The following GLRA3 variants were observed in gnomAD, a reference collection of about 807,000 sequenced individuals.
GLRA3 encodes the protein glycine receptor subunit alpha-3.
Under a neutral mutation model 60.4 loss-of-function variants are expected in GLRA3, and 44 were observed. That is an observed-to-expected ratio of 0.73 (90% CI 0.57 to 0.94). GLRA3 has a LOEUF of 0.94. Among genes scored for constraint, GLRA3 ranks in the 40% least tolerant of loss-of-function variants. The pLI is 0.00. For missense variants in GLRA3, 508 were observed against 564.6 expected (o/e 0.90, Z 1.02); for synonymous variants, 223 against 192.9 (o/e 1.16, Z -1.29).
chr4:174,804,866 T>A (rs888371419), intron 1 of GLRA3, among the ~76,000 whole-genome samples: 5 of 152,086 alleles, frequency 3.3e-5, no homozygotes, highest in African/African-American at 1.2e-4. Context: ...TTGCATAGGG[T>A]GCGAAGAAGC....
chr4:174,774,457 C>G (rs1738515716), intron 2 of GLRA3, among the ~76,000 whole-genome samples: 1 of 97,526 alleles, frequency 1.0e-5, no homozygotes. Context: ...TCCTGGCAGG[C>G]ACCAACTTAA....
chr4:174,644,706 GA>G lies in GLRA3; in HGVS notation c.1117-643del, dbSNP rs544815314. Among the ~76,000 whole-genome samples the G allele has an allele frequency of 2.0e-5, 3 of 152,112 alleles. No individual in the cohort carries two copies. In the East Asian group the frequency reaches 5.8e-4, roughly 29 times the overall value. ...GGCACATTGGTTTGGTTGAAATTGT[GA>G]ATTATATCTGGCAGAAGTTTATTTC... On this transcript the variant is annotated intron_variant, in intron 9 of 9. Transcript: ENST00000274093.
chr4:174,760,663 G>A (rs769798586), intron 3 of GLRA3, among the ~76,000 whole-genome samples: 5 of 152,072 alleles, frequency 3.3e-5, no homozygotes, highest in African/African-American at 1.2e-4. Flanking sequence ...CGGAATTACC[G>A]GCTCCTGCCA....
At chr4:174,690,473 G>T (rs546116333) in intron 5 of GLRA3, among the ~76,000 whole-genome samples, 1 of 152,070 alleles carries the variant, frequency 6.6e-6, no homozygotes, top group Non-Finnish European at 1.5e-5. Flanking sequence ...ACTTTTTGTT[G>T]TGTAGTTTTT....
chr4:174,752,878 C>T (rs532009348), intron 3 of GLRA3, among the ~76,000 whole-genome samples: 4 of 152,010 alleles, frequency 2.6e-5, no homozygotes, highest in African/African-American at 9.6e-5. Context: ...GGAGTGTTGG[C>T]AATATTCCAA....
chr4:174,736,964 T>C (rs934447186), intron 3 of GLRA3, among the ~76,000 whole-genome samples: 52 of 152,184 alleles, frequency 3.4e-4, no homozygotes, highest in African/African-American at 1.1e-3. Context: ...GCCCTGTATA[T>C]AAAGTTTCAG....
intron 7 of GLRA3, among the ~76,000 whole-genome samples, chr4:174,659,971 C>CAAAAAAAA (rs11395241): frequency 7.2e-6 from 1 of 139,824 alleles, no homozygotes; most frequent in East Asian, 2.1e-4. Context: ...AATTCTGTCT[C>CAAAAAAAA]AAAAAAAAAA....
At chr4:174,752,874 T>C (rs958097765) in intron 3 of GLRA3, among the ~76,000 whole-genome samples, 1 of 152,108 alleles carries the variant, frequency 6.6e-6, no homozygotes, top group Non-Finnish European at 1.5e-5. Flanking sequence ...CTCTGGAGTG[T>C]TGGCAATATT....
chr4:174,674,674 T>C (rs1352717086), intron 7 of GLRA3, among the ~76,000 whole-genome samples: 7 of 152,186 alleles, frequency 4.6e-5, no homozygotes, highest in African/African-American at 1.7e-4. Flanking sequence ...TGATTTATTG[T>C]TTCACTGTCC....
chr4:174,794,684 T>C (rs1173880207), intron 1 of GLRA3, among the ~76,000 whole-genome samples: 4 of 152,186 alleles, frequency 2.6e-5, no homozygotes, highest in African/African-American at 7.2e-5. Flanking sequence ...AAATTGTTAT[T>C]AATATTTTAA....
chr4:174,663,916 T>G (rs897861593), intron 7 of GLRA3, among the ~76,000 whole-genome samples: 4 of 152,194 alleles, frequency 2.6e-5, no homozygotes, highest in Non-Finnish European at 5.9e-5. Flanking sequence ...CCTAGTTCTA[T>G]ATTCTGGAAG....
intron 3 of GLRA3, among the ~76,000 whole-genome samples, chr4:174,752,748 G>A (rs539695207): frequency 6.6e-6 from 1 of 152,226 alleles, no homozygotes; most frequent in East Asian, 1.9e-4. Flanking sequence ...GGATTTATCA[G>A]TGAATATTTT....
At chr4:174,666,058 T>C (rs1733653986) in intron 7 of GLRA3, among the ~76,000 whole-genome samples, 1 of 152,120 alleles carries the variant, frequency 6.6e-6, no homozygotes, top group Non-Finnish European at 1.5e-5. Context: ...ATATAACTCA[T>C]ATGGTTCCAG....
intron 6 of GLRA3, 51 bp downstream of exon 6, chr4:174,682,751 A>T: frequency 7.5e-7 from 1 of 1,327,778 alleles, no homozygotes; most frequent in South Asian, 1.3e-5. Flanking sequence ...AAACATCTGG[A>T]TATCATAAAA....
chr4:174,741,907 C>T (rs1434856503), intron 3 of GLRA3, among the ~76,000 whole-genome samples: 1 of 152,032 alleles, frequency 6.6e-6, no homozygotes, highest in Non-Finnish European at 1.5e-5. Context: ...CTGTGTGAGG[C>T]AAGAGGTTAT....
chr4:174,699,204 A>C (rs1382057546), intron 5 of GLRA3, among the ~76,000 whole-genome samples: 1 of 151,924 alleles, frequency 6.6e-6, no homozygotes, highest in Non-Finnish European at 1.5e-5. Context: ...GTTTCACCAT[A>C]TTGGTCAGGC....
intron 2 of GLRA3, among the ~76,000 whole-genome samples, chr4:174,773,496 A>G (rs1738477660): frequency 6.6e-6 from 1 of 152,154 alleles, no homozygotes; most frequent in South Asian, 2.1e-4. Flanking sequence ...TATGTTCATA[A>G]AAATGACTAA....
At chr4:174,787,393 T>C (rs1434770723) in intron 2 of GLRA3, among the ~76,000 whole-genome samples, 1 of 152,148 alleles carries the variant, frequency 6.6e-6, no homozygotes, top group Non-Finnish European at 1.5e-5. Context: ...TTTTTGAAGA[T>C]CAACTACTAA....
intron 4 of GLRA3, among the ~76,000 whole-genome samples, chr4:174,726,521 T>C (rs1156690306): frequency 6.6e-6 from 1 of 152,210 alleles, no homozygotes; most frequent in African/African-American, 2.4e-5. Flanking sequence ...ATATTAGATT[T>C]GCTAGAGAAA....
Sources: allele counts gnomAD v4.1 joint callset (sites outside exome capture counted in the v4.1 genomes callset), GRCh38; gene constraint gnomAD v4.1.1; transcripts MANE v1.5; gene names NCBI Gene and HGNC (gene_info 2026-07-23, HGNC 2026-07-21).